The following KAT6B variants were observed in gnomAD, a reference collection of about 807,000 sequenced individuals.
KAT6B encodes the protein histone acetyltransferase KAT6B.
In KAT6B, 10 loss-of-function variants were observed where a neutral mutation model predicts 187.5. That is an observed-to-expected ratio of 0.05 (90% CI 0.03 to 0.09). The LOEUF (loss-of-function observed/expected upper bound fraction) is 0.09, where lower values mean the gene tolerates loss of function less well. Ranked by LOEUF, KAT6B falls within the 10% of genes least tolerant of loss-of-function variation. The pLI is 1.00. For missense variants in KAT6B, 1,952 were observed against 2,558.9 expected (o/e 0.76, Z 5.12); for synonymous variants, 861 against 926.8 (o/e 0.93, Z 1.29).
At chr10:74,888,397 A>G (rs1845434761) in intron 3 of KAT6B, among the ~76,000 whole-genome samples, 1 of 152,248 alleles carries the variant, frequency 6.6e-6, no homozygotes, top group African/African-American at 2.4e-5. Flanking sequence ...GCTTCTGCAT[A>G]TTAATAAGAA....
intron 3 of KAT6B, among the ~76,000 whole-genome samples, chr10:74,933,926 C>T (rs1021244296): frequency 6.6e-6 from 1 of 152,080 alleles, no homozygotes; most frequent in East Asian, 1.9e-4. Flanking sequence ...TGGCTTATGC[C>T]TGTAATCCTA....
intron 11 of KAT6B, chr10:74,984,444 T>A (rs1026887361): frequency 6.6e-6 from 1 of 152,548 alleles, no homozygotes; most frequent in Admixed American, 6.5e-5. Flanking sequence ...ACAGCTTGAT[T>A]CTTTTATTTT....
At chr10:74,893,962 C>T (rs7095910) in intron 3 of KAT6B, among the ~76,000 whole-genome samples, 36,306 of 152,180 alleles carry the variant, frequency 0.24, 7,763 homozygotes, top group African/African-American at 0.57. Flanking sequence ...TGAAATTTTA[C>T]TAGCTTGAAC....
chr10:74,924,228 G>A (rs998576706), intron 3 of KAT6B, among the ~76,000 whole-genome samples: 2 of 152,114 alleles, frequency 1.3e-5, no homozygotes, highest in African/African-American at 4.8e-5. Context: ...CCCTGGCCCA[G>A]TGCACACAAA....
rs762788479 is a variant in KAT6B, at chr10:75,030,687, C to G, written c.5863C>G (p.Pro1955Ala). 21 of 1,614,114 alleles carry G rather than the reference C, an allele frequency of 1.3e-5. No homozygotes were observed. Among genetic ancestry groups the G allele is most frequent in the Non-Finnish European group, 1.6e-5 (19 of 1,180,056 alleles). ...CTCCCAGACTGTAGCCATGCAGGGT[C>G]CTGCACGGACTTTAACGATGCAAAG... ...GRSQTVAMQG[P>A]ARTLTMQRGM... The change falls in exon 18 of 18, where the codon CCT (proline) becomes GCT (alanine). Residue 1955 changes from proline to alanine, a missense_variant. Physicochemically the swap from Pro to Ala is conservative, Grantham distance 27 (BLOSUM62 -1). This residue lies in a region of KAT6B where 358 missense variants were observed against 436.3 expected (regional missense o/e 0.82). Transcript: ENST00000287239. This position sits in a 1 kb window ranked among gnomAD's most constrained non-coding sequence, Gnocchi z 4.8.
intron 10 of KAT6B, among the ~76,000 whole-genome samples, chr10:74,981,454 A>G (rs890168466): frequency 1.2e-4 from 18 of 151,568 alleles, no homozygotes; most frequent in Middle Eastern, 6.8e-3. Flanking sequence ...ATTCACTGCA[A>G]CCTCCGCCTC....
intron 4 of KAT6B, among the ~76,000 whole-genome samples, chr10:74,965,651 C>T (rs1466007093): frequency 6.6e-6 from 1 of 151,966 alleles, no homozygotes; most frequent in Non-Finnish European, 1.5e-5. Flanking sequence ...GGAAGTCCAT[C>T]ATGGGTCTCA....
rs553364941 is a variant in KAT6B, at chr10:75,031,695, T to G, written c.*649T>G. ...TCCCATTTGGTTAGTCAAAAGGGTT[T>G]TATTGCTAAATGTTTGGTGTAAAGT... On this transcript the variant is annotated 3_prime_UTR_variant, in exon 18 of 18. Transcript: ENST00000287239. 1 of 210,740 alleles carries G rather than the reference T, an allele frequency of 4.7e-6. No individual in the cohort carries two copies. Among genetic ancestry groups the G allele is most frequent in the South Asian group, 1.9e-4 (1 of 5,332 alleles). The allele number at this position is 210,740 out of a possible 1,614,324, so 13.1% of individuals were successfully genotyped here.
At chr10:74,840,760 A>G (rs879503745) in intron 2 of KAT6B, among the ~76,000 whole-genome samples, 3 of 152,148 alleles carry the variant, frequency 2.0e-5, no homozygotes, top group African/African-American at 4.8e-5. Flanking sequence ...CACAGGGACA[A>G]TCTTGTTTAA....
At position 74,972,508 on chromosome 10, in the gene KAT6B, G is replaced by A. The variant is rs996995485; in HGVS notation, c.930G>A (p.Gly310=). The change falls in exon 7 of 18, where the codon GGG becomes GGA. Residue 310 remains glycine (G), a splice_region_variant and synonymous_variant. Coordinates refer to ENST00000287239, the MANE Select transcript of KAT6B (RefSeq NM_012330.4). ...CDPPLSRMPK[G]MWICQVCRPK... ...TTTCTCATATATATATTAATTCAGG[G>A]ATGTGGATTTGCCAAGTCTGCAGAC... is the stretch of plus-strand genomic sequence containing the variant. 2 of 1,581,046 alleles carry A rather than the reference G, an allele frequency of 1.3e-6. No individual in the cohort carries two copies. Among genetic ancestry groups the A allele is most frequent in the Admixed American group, 1.7e-5 (1 of 59,664 alleles).
chr10:75,025,386 C>T (rs918617746), intron 17 of KAT6B, 137 bp downstream of exon 17: 16 of 789,206 alleles, frequency 2.0e-5, no homozygotes, highest in Non-Finnish European at 3.3e-5. Flanking sequence ...TGCCCATCTG[C>T]CCTTTCCCAT....
At chr10:74,834,805 C>T (rs1487749283) in intron 1 of KAT6B, among the ~76,000 whole-genome samples, 1 of 152,236 alleles carries the variant, frequency 6.6e-6, no homozygotes, top group Non-Finnish European at 1.5e-5. Context: ...GAGGCATGAG[C>T]CATTGTGCCT....
At chr10:74,998,419 T>C (rs1843601229) in intron 13 of KAT6B, among the ~76,000 whole-genome samples, 1 of 152,010 alleles carries the variant, frequency 6.6e-6, no homozygotes, top group Non-Finnish European at 1.5e-5. Flanking sequence ...ATTATAGCAA[T>C]ATGGACTCAT....
Position 74,975,704 on chromosome 10 carries a change from T to C in KAT6B, c.1367T>C (p.Ile456Thr), listed in dbSNP as rs766318986. ...PDGRRSRGEI[I>T]DFSKHYRPRK... ...GGTCGCAGATCACGAGGTGAAATTATAGACTTTTCAAAGCACTATCGTCCA... is the reference window on the plus strand; with the variant it reads ...GGTCGCAGATCACGAGGTGAAATTACAGACTTTTCAAAGCACTATCGTCCA... Residue 456 changes from isoleucine (I) to threonine (T), a missense_variant, in exon 8 of 18, where the codon ATA becomes ACA. Around this residue, in one of 9 missense-constraint regions of KAT6B, gnomAD observed 417 missense variants for 508.9 expected, o/e 0.82. Coordinates refer to ENST00000287239, the MANE Select transcript of KAT6B (RefSeq NM_012330.4). 3.0e-5 allele frequency: 48 copies of C among 1,614,116 alleles called. No individual in the cohort carries two copies. Among genetic ancestry groups the C allele is most frequent in the Admixed American group, 1.0e-4 (6 of 60,006 alleles).
chr10:74,830,585 A>G (rs1840677956), intron 1 of KAT6B, among the ~76,000 whole-genome samples: 1 of 151,034 alleles, frequency 6.6e-6, no homozygotes, highest in Non-Finnish European at 1.5e-5. Context: ...CTTCTAAAGT[A>G]TTGTACCAGG....
intron 3 of KAT6B, among the ~76,000 whole-genome samples, chr10:74,899,159 TC>T (rs1846203711): frequency 6.9e-6 from 1 of 145,854 alleles, no homozygotes; most frequent in African/African-American, 2.5e-5. Context: ...GTACTCCATC[TC>T]AAAAAAAAAA....
At chr10:74,925,594 G>T (rs993171384) in intron 3 of KAT6B, among the ~76,000 whole-genome samples, 1 of 152,168 alleles carries the variant, frequency 6.6e-6, no homozygotes, top group Non-Finnish European at 1.5e-5. Flanking sequence ...GGTTCTGTTG[G>T]ATGAGTATTT....
chr10:75,020,696 A>G lies in KAT6B; in HGVS notation c.2744A>G (p.Tyr915Cys), dbSNP rs772829576. ...YWKSVILEYL[Y>C]HHHERHISIK... The stretch of plus-strand genomic sequence containing the variant: ...AAGAGCGTCATCTTGGAGTATCTCT[A>G]CCACCACCATGAGAGGCACATCAGC... Residue 915 changes from tyrosine (Y) to cysteine (C), a missense_variant, in exon 14 of 18, where the codon TAC becomes TGC. Physicochemically the swap from Tyr to Cys is radical, Grantham distance 194. This residue lies in a region of KAT6B where 758 missense variants were observed against 891.4 expected (regional missense o/e 0.85). Coordinates refer to ENST00000287239, the MANE Select transcript of KAT6B (RefSeq NM_012330.4). 22 of 1,613,350 alleles carry G rather than the reference A, an allele frequency of 1.4e-5. No homozygotes were observed. In the East Asian group the frequency reaches 3.8e-4, roughly 28 times the overall value.
intron 3 of KAT6B, among the ~76,000 whole-genome samples, chr10:74,950,739 AG>A (rs1204376999): frequency 6.6e-6 from 1 of 152,190 alleles, no homozygotes; most frequent in Non-Finnish European, 1.5e-5. Flanking sequence ...CCTTTGTTGC[AG>A]TGCCATCAGT....
Sources: allele counts gnomAD v4.1 joint callset (sites outside exome capture counted in the v4.1 genomes callset), GRCh38; gene constraint gnomAD v4.1.1; regional missense constraint gnomAD v4.1.1; non-coding constraint Gnocchi (gnomAD v3.1); transcripts MANE v1.5; gene names NCBI Gene and HGNC (gene_info 2026-07-23, HGNC 2026-07-21).